The following PITPNC1 variants were observed in gnomAD, a reference collection of about 807,000 sequenced individuals.
PITPNC1 encodes phosphatidylinositol transfer protein cytoplasmic 1, also known as cytoplasmic phosphatidylinositol transfer protein 1.
In PITPNC1, 18 loss-of-function variants were observed where a neutral mutation model predicts 44.7. The observed-to-expected ratio is 0.40, with a 90% confidence interval of 0.28 to 0.60. The LOEUF (loss-of-function observed/expected upper bound fraction) is 0.60, where lower values mean the gene tolerates loss of function less well. Among genes scored for constraint, PITPNC1 ranks in the 20% least tolerant of loss-of-function variants. The probability of loss-of-function intolerance (pLI) is 0.39; values close to 1 mark genes in which losing one functional copy is unlikely to be tolerated. For missense variants in PITPNC1, 290 were observed against 418.4 expected, an observed-to-expected ratio of 0.69 and a Z score of 2.68; for synonymous variants, 141 against 149.6, an observed-to-expected ratio of 0.94 and a Z score of 0.42.
rs146912693 is a variant in PITPNC1 at position 67,451,601 on chromosome 17, A to T, written c.48+73399A>T. Among the ~76,000 whole-genome samples the T allele has an allele frequency of 3.9e-3, 586 of 150,788 alleles. 3 individuals are homozygous for T. Among genetic ancestry groups the T allele is most frequent in the African/African-American group, 0.014 (556 of 41,176 alleles). Reference sequence around the variant, plus strand: ...TTTCTAGTAATTTCGTATAAAAATTATACAACATGTAGTCCTTTGAGACTG... The same window carrying T: ...TTTCTAGTAATTTCGTATAAAAATTTTACAACATGTAGTCCTTTGAGACTG... On this transcript the variant is annotated intron_variant, in intron 1 of 8. Transcript: ENST00000581322.
chr17:67,399,175 C>T (rs569289024), intron 1 of PITPNC1, among the ~76,000 whole-genome samples: 12 of 152,038 alleles, frequency 7.9e-5, no homozygotes, highest in South Asian at 4.2e-4. Flanking sequence ...CCACCACGCC[C>T]GGCTAATTTT....
intron 1 of PITPNC1, among the ~76,000 whole-genome samples, chr17:67,454,499 A>G (rs1280636441): frequency 1.3e-5 from 2 of 152,298 alleles, no homozygotes; most frequent in Admixed American, 6.5e-5. Flanking sequence ...TTTTTCAACC[A>G]TTTAAAAATG....
At chr17:67,608,512 CAG>C (rs1278255724) in intron 5 of PITPNC1, among the ~76,000 whole-genome samples, 4 of 139,052 alleles carry the variant, frequency 2.9e-5, no homozygotes, top group African/African-American at 1.1e-4. Flanking sequence ...TTTTTTGAGA[CAG>C]AGTTTCACTC....
At chr17:67,671,132 TGCCTCG>T (rs1327801798) in intron 7 of PITPNC1, among the ~76,000 whole-genome samples, 2 of 152,142 alleles carry the variant, frequency 1.3e-5, no homozygotes, top group African/African-American at 4.8e-5. Context: ...CTGATCTATC[TGCCTCG>T]GCCTCCCAAA....
chr17:67,584,717 A>AT (rs2144244614), intron 5 of PITPNC1, among the ~76,000 whole-genome samples: 1 of 152,228 alleles, frequency 6.6e-6, no homozygotes, highest in South Asian at 2.1e-4. Context: ...TGAGACTCTG[A>AT]TTTTGTCTCA....
intron 6 of PITPNC1, among the ~76,000 whole-genome samples, chr17:67,634,631 G>A (rs893328946): frequency 6.6e-6 from 1 of 152,170 alleles, no homozygotes; most frequent in Non-Finnish European, 1.5e-5. Context: ...TTGGCGAACA[G>A]TAGAGAAATA....
chr17:67,577,086 A>C (rs927673454), intron 4 of PITPNC1, among the ~76,000 whole-genome samples: 1 of 152,106 alleles, frequency 6.6e-6, no homozygotes, highest in Admixed American at 6.5e-5. Context: ...ATTTGAGACC[A>C]GCCTGGGCAA....
chr17:67,539,177 C>T (rs80260778), intron 2 of PITPNC1, among the ~76,000 whole-genome samples: 3,138 of 152,188 alleles, frequency 0.021, 71 homozygotes, highest in South Asian at 0.036. Context: ...CAGGTGTTCA[C>T]AAAGATATGT....
At chr17:67,458,228 T>C (rs2143966036) in intron 1 of PITPNC1, among the ~76,000 whole-genome samples, 1 of 152,318 alleles carries the variant, frequency 6.6e-6, no homozygotes, top group East Asian at 1.9e-4. Flanking sequence ...CAGGTGTTTT[T>C]CCCAACATCT....
chr17:67,540,179 T>C (rs750468620), intron 2 of PITPNC1, among the ~76,000 whole-genome samples: 32 of 151,990 alleles, frequency 2.1e-4, no homozygotes, highest in Non-Finnish European at 4.0e-4. Context: ...TCTTGGCTCA[T>C]TGCAATCTCT....
chr17:67,677,228 A>C (rs1425496372), intron 8 of PITPNC1, among the ~76,000 whole-genome samples: 1 of 152,184 alleles, frequency 6.6e-6, no homozygotes, highest in East Asian at 1.9e-4. Context: ...CACCAAGGAA[A>C]TATCAAAAGG....
chr17:67,541,461 T>TTATA (rs2040606577), intron 2 of PITPNC1, among the ~76,000 whole-genome samples: 1 of 64,974 alleles, frequency 1.5e-5, no homozygotes, highest in Admixed American at 2.1e-4. Context: ...TATGAAGCAA[T>TTATA]TATACATACA....
intron 1 of PITPNC1, among the ~76,000 whole-genome samples, chr17:67,426,878 T>G (rs2038774585): frequency 6.6e-6 from 1 of 152,220 alleles, no homozygotes; most frequent in South Asian, 2.1e-4. Context: ...AAATGCTTGG[T>G]AAGAGTATCC....
rs551943289 is a variant in PITPNC1, at chr17:67,653,279, A to C, written c.463-16229A>C. ...CAGCAAGACTCTGTCTAAAAGAAAAAAAAGGTTGGGGGGAATTTGGACACA... is the reference window on the plus strand; with the variant it reads ...CAGCAAGACTCTGTCTAAAAGAAAACAAAGGTTGGGGGGAATTTGGACACA... On this transcript the variant is annotated intron_variant, in intron 6 of 8. Transcript: ENST00000581322. Among the ~76,000 whole-genome samples, 30 of 152,230 alleles carry C rather than the reference A, an allele frequency of 2.0e-4. 1 individual carries two copies. In the South Asian group the frequency reaches 6.2e-3, roughly 32 times the overall value.
Position 67,626,665 on chromosome 17 carries a change from G to A in PITPNC1, c.367-5478G>A, listed in dbSNP as rs531380367. On this transcript the variant is annotated intron_variant, in intron 5 of 8. Transcript: ENST00000581322. ...ATTACAGGTGTGAGCCACCATGCCC[G>A]GCCAGATAACTGAATTTAAACTCAG... Among the ~76,000 whole-genome samples, 7 of 151,974 alleles carry A rather than the reference G, an allele frequency of 4.6e-5. No homozygotes were observed. In the South Asian group the frequency reaches 6.2e-4, roughly 14 times the overall value.
intron 1 of PITPNC1, among the ~76,000 whole-genome samples, chr17:67,416,201 T>A (rs1567981399): frequency 7.1e-6 from 1 of 140,462 alleles, no homozygotes; most frequent in African/African-American, 2.7e-5. Context: ...TTACATGTAT[T>A]GCTTTTTTTT....
intron 8 of PITPNC1, among the ~76,000 whole-genome samples, chr17:67,691,358 A>G (rs7226140): frequency 0.47 from 71,964 of 152,044 alleles, 18,280 homozygotes; most frequent in Admixed American, 0.6. Context: ...AGAACATTTC[A>G]GGTATTTGGA....
chr17:67,678,533 G>C (rs989098058), intron 8 of PITPNC1, among the ~76,000 whole-genome samples: 1 of 152,206 alleles, frequency 6.6e-6, no homozygotes, highest in Non-Finnish European at 1.5e-5. Context: ...TCACTCAGCA[G>C]TGGTCTGAGA....
chr17:67,649,102 C>T (rs918822179), intron 6 of PITPNC1, among the ~76,000 whole-genome samples: 2 of 152,148 alleles, frequency 1.3e-5, no homozygotes, highest in African/African-American at 4.8e-5. Context: ...TGCAGTGAGC[C>T]ATGATTGCAC....
Sources: allele counts gnomAD v4.1 joint callset (sites outside exome capture counted in the v4.1 genomes callset), GRCh38; gene constraint gnomAD v4.1.1; transcripts MANE v1.5; gene names NCBI Gene and HGNC (gene_info 2026-07-23, HGNC 2026-07-21).